The following MYO1H variants were observed in gnomAD, a reference collection of about 807,000 sequenced individuals.
The protein encoded by MYO1H is myosin IH, also known as unconventional myosin-Ih.
In MYO1H, 118 loss-of-function variants were observed where a neutral mutation model predicts 149.3. That is an observed-to-expected ratio of 0.79 (90% CI 0.68 to 0.92). The LOEUF is 0.92. MYO1H is among the 40% of genes least tolerant of loss of function. The pLI is 0.00. For missense variants in MYO1H, 1,212 were observed against 1,280.7 expected (o/e 0.95, Z 0.82); for synonymous variants, 447 against 465.2 (o/e 0.96, Z 0.50).
Position 109,396,814 on chromosome 12 carries a change from GTTTTTTTTTTTTTT to G in MYO1H, c.489+249_489+262del, listed in dbSNP as rs60551691. Among the ~76,000 whole-genome samples, 11 of 51,072 alleles carry G rather than the reference GTTTTTTTTTTTTTT, an allele frequency of 2.2e-4. 1 individual carries two copies. The highest frequency in any genetic ancestry group is 7.5e-4 in the East Asian group (1 of 1,328). The allele number at this position is 51,072 out of a possible 152,430, so 33.5% of individuals were successfully genotyped here. ...GACATTTGGTTTTTGTTTTGGTTTC[GTTTTTTTTTTTTTT>G]TTTTTTTTTTTTTTTTGAGACGGAG... On this transcript the variant is annotated intron_variant, in intron 4 of 31. Coordinates refer to ENST00000310903, the Ensembl canonical transcript of MYO1H.
At chr12:109,393,417 G>C (rs756347264) in exon 3 of MYO1H, 10 of 1,585,610 alleles carry the variant, frequency 6.3e-6, no homozygotes, top group Non-Finnish European at 8.6e-6. Flanking sequence ...TTTATCAAGG[G>C]GTCAATTTCT....
chr12:109,444,296 C>T lies in MYO1H; in HGVS notation c.2895+13C>T, dbSNP rs1872380530. The T allele has an allele frequency of 6.2e-7, 1 of 1,611,114 alleles. No homozygotes were observed. Among genetic ancestry groups the T allele is most frequent in the Non-Finnish European group, 8.5e-7 (1 of 1,177,450 alleles). ...CAGCAAGCAAAAGGTAATTGACAGC[C>T]ACCAGTCTCTACTAAAAGACAGAAA... On this transcript the variant is annotated intron_variant, in intron 29 of 31. Transcript: ENST00000310903.
the MYO1H span, among the ~76,000 whole-genome samples, chr12:109,329,145 C>T: frequency 6.6e-6 from 1 of 151,158 alleles, no homozygotes; most frequent in African/African-American, 2.4e-5. Context: ...TCTTCTGTTC[C>T]ACGTGTTTAT....
chr12:109,321,970 A>G, the MYO1H span, among the ~76,000 whole-genome samples: 39 of 152,166 alleles, frequency 2.6e-4, no homozygotes, highest in Non-Finnish European at 5.3e-4. Flanking sequence ...CAGGTCCCAA[A>G]GGGAACACAT....
rs768949717 is a variant in MYO1H, at chr12:109,409,585, T to C, written c.1184T>C (p.Leu395Ser). The C allele has an allele frequency of 2.7e-5, 44 of 1,613,800 alleles. No individual in the cohort carries two copies. The highest frequency in any genetic ancestry group is 3.6e-5 in the Non-Finnish European group (42 of 1,179,816). ...TTCACCAGGAAAACTGTAATTGGAT[T>C]ACTGGACATCTATGGGTTTGAAGTC... is the stretch of plus-strand genomic sequence containing the variant. The change falls in exon 11 of 32, where the codon TTA becomes TCA. Residue 395 changes from leucine (L) to serine (S), a missense_variant. Physicochemically the swap from Leu to Ser is moderately radical, Grantham distance 145. Coordinates refer to ENST00000310903, the Ensembl canonical transcript of MYO1H.
At position 109,410,787 on chromosome 12, in the gene MYO1H, G is replaced by T. The variant is rs1323231810; in HGVS notation, c.1410+19G>T. 2 of 1,452,546 alleles carry T rather than the reference G, an allele frequency of 1.4e-6. No individual in the cohort carries two copies. Among genetic ancestry groups the T allele is most frequent in the African/African-American group, 1.4e-5 (1 of 71,458 alleles). 90.0% of individuals were successfully genotyped at this position (1,452,546 alleles called of 1,614,324 possible). A position where few individuals can be genotyped will look rare whatever the true frequency, so the allele number is the denominator to read the frequency against. Reference sequence around the variant, plus strand: ...TATTCTGGTGAGAAAAATGAATGTTGCATTAGAGCTATTCACCCGGCACTT... The same window carrying T: ...TATTCTGGTGAGAAAAATGAATGTTTCATTAGAGCTATTCACCCGGCACTT... On this transcript the variant is annotated intron_variant, in intron 13 of 31. Coordinates refer to ENST00000310903, the Ensembl canonical transcript of MYO1H.
chr12:109,327,111 C>CT, the MYO1H span, among the ~76,000 whole-genome samples: 4 of 131,662 alleles, frequency 3.0e-5, no homozygotes, highest in Non-Finnish European at 4.7e-5. Flanking sequence ...TTTAATTTTT[C>CT]TTTTCTTTTT....
Position 109,365,758 on chromosome 12 carries a change from A to G in MYO1H, c.12+17786A>G, listed in dbSNP as rs139928443. 7.2e-5 allele frequency among the ~76,000 whole-genome samples: 11 copies of G among 152,338 alleles called. No individual in the cohort carries two copies. The East Asian group carries it at 2.1e-3, about 29-fold the overall frequency. On this transcript the variant is annotated intron_variant, in intron 1 of 31. Transcript: ENST00000310903. ...GGCCCAGAGCCAACATGCAGGCTGC[A>G]TGATGGAACGGGAGGCCTAGATGCT... is the stretch of plus-strand genomic sequence containing the variant.
chr12:109,404,006 A>G (rs1369942377), exon 7 of MYO1H: 2 of 1,613,714 alleles, frequency 1.2e-6, no homozygotes, highest in South Asian at 2.2e-5. Flanking sequence ...AGAGTCATCC[A>G]TTAGTGACAA....
intron 1 of MYO1H, among the ~76,000 whole-genome samples, chr12:109,380,376 A>T (rs1869178995): frequency 6.6e-6 from 1 of 151,302 alleles, no homozygotes; most frequent in Admixed American, 6.6e-5. Context: ...AAACGGTAAA[A>T]TGAAAAAAAA....
chr12:109,399,591 CAAAAA>C (rs34417905), intron 5 of MYO1H, among the ~76,000 whole-genome samples: 75 of 70,452 alleles, frequency 1.1e-3, no homozygotes, highest in Middle Eastern at 9.3e-3. Flanking sequence ...GACTCTGTCT[CAAAAA>C]AAAAAAAAAA....
chr12:109,429,442 C>A (rs1356342391), intron 19 of MYO1H, among the ~76,000 whole-genome samples: 1 of 152,072 alleles, frequency 6.6e-6, no homozygotes, highest in African/African-American at 2.4e-5. Flanking sequence ...AATAACAATA[C>A]AACAATAATA....
the MYO1H span, among the ~76,000 whole-genome samples, chr12:109,319,377 G>A: frequency 6.6e-6 from 1 of 152,170 alleles, no homozygotes; most frequent in South Asian, 2.1e-4. Flanking sequence ...ACAGTAGTCA[G>A]ACTCAGAAAC....
intron 22 of MYO1H, 83 bp downstream of exon 22, chr12:109,436,639 C>A: frequency 1.1e-6 from 1 of 888,270 alleles, no homozygotes; most frequent in Non-Finnish European, 1.8e-6. Flanking sequence ...GTTCTCTCCC[C>A]CTGCTCATCC....
At chr12:109,386,186 C>A (rs183535693) in intron 1 of MYO1H, among the ~76,000 whole-genome samples, 1 of 152,272 alleles carries the variant, frequency 6.6e-6, no homozygotes, top group African/African-American at 2.4e-5. Flanking sequence ...CTTGCGTGTA[C>A]CCGTTATTTC....
chr12:109,363,595 C>G (rs1012754180), intron 1 of MYO1H, among the ~76,000 whole-genome samples: 1 of 151,984 alleles, frequency 6.6e-6, no homozygotes, highest in African/African-American at 2.4e-5. Flanking sequence ...GCCTGTAATC[C>G]CAGCTACTTG....
chr12:109,444,185 T>A, intron 28 of MYO1H, 28 bp from the exon 29 acceptor site: 1 of 1,576,198 alleles, frequency 6.3e-7, no homozygotes, highest in Non-Finnish European at 8.7e-7. Context: ...CTCTAGTTCT[T>A]GGCTCCTAAC....
chr12:109,422,911 C>CA (rs1278361913), intron 16 of MYO1H, among the ~76,000 whole-genome samples: 7 of 151,708 alleles, frequency 4.6e-5, no homozygotes, highest in South Asian at 4.2e-4. Flanking sequence ...CCATCCTTAT[C>CA]AAAAAAAATT....
In MYO1H at chr12:109,368,928, C is replaced by T. The variant is rs149639133; in HGVS notation, c.13-19755C>T. ...TGCCATAATTGGTTTTCTCTTCCTGCATTAATTAACTTAGGGTAATGGCCG... is the reference window on the plus strand; with the variant it reads ...TGCCATAATTGGTTTTCTCTTCCTGTATTAATTAACTTAGGGTAATGGCCG... On this transcript the variant is annotated intron_variant, in intron 1 of 31. Transcript: ENST00000310903. Among the ~76,000 whole-genome samples the T allele has an allele frequency of 1.5e-3, 232 of 152,146 alleles. 1 individual carries two copies. Among genetic ancestry groups the T allele is most frequent in the African/African-American group, 5.4e-3 (223 of 41,506 alleles).
Sources: gnomAD v4.1 joint callset for allele counts (sites outside exome capture counted in the v4.1 genomes callset) on GRCh38, gnomAD v4.1.1 for gene constraint, MANE v1.5 for transcripts, NCBI Gene and HGNC (gene_info 2026-07-23, HGNC 2026-07-21) for gene names.